Variants in INTS11 observed in about 807,000 individuals in gnomAD.
INTS11 encodes the protein CPSF3-like protein.
A neutral mutation model predicts 78.6 loss-of-function variants in INTS11; 77 were observed. The observed-to-expected ratio is 0.98, with a 90% CI of 0.81 to 1.18. The LOEUF is 1.18. Ranked by LOEUF, INTS11 falls within the 50% of genes most tolerant of loss-of-function variation. The probability of loss-of-function intolerance (pLI) is 0.00; values close to 1 mark genes in which losing one functional copy is unlikely to be tolerated. For missense variants in INTS11, 875 were observed against 825.9 expected, an observed-to-expected ratio of 1.06 and a Z score of -0.73; for synonymous variants, 441 against 326.9, an observed-to-expected ratio of 1.35 and a Z score of -3.77.
chr1:1,320,787 G>C, intron 2 of INTS11: 1 of 712,618 alleles, frequency 1.4e-6, no homozygotes, highest in Non-Finnish European at 2.5e-6. Context: ...ACAGGACCCC[G>C]GGGCTGGGGC....
Position 1,312,434 on chromosome 1 carries a change from A to T in INTS11, c.1464+6T>A. The T allele has an allele frequency of 6.4e-7, 1 of 1,566,752 alleles. No homozygotes were observed. Among genetic ancestry groups the T allele is most frequent in the Admixed American group, 1.9e-5 (1 of 53,198 alleles). The stretch of plus-strand genomic sequence containing the variant: ...TCCCCCCTCCAGAGACCGTCCTGGC[A>T]CTCACGCTGTCCTTCATGATCAGGG... On this transcript the variant is annotated splice_donor_region_variant and intron_variant, in intron 14 of 16. Coordinates refer to ENST00000435064, the MANE Select transcript of INTS11 (RefSeq NM_017871.6).
In INTS11 at chr1:1,313,491, A is replaced by G. The variant is rs1642371565; in HGVS notation, c.1041+18T>C. Reference sequence around the variant, plus strand: ...CGGCCTCCAGCTTCCAGATTCCCACACCTCACCATGCCCTCACCATGTTCT... The same window carrying G: ...CGGCCTCCAGCTTCCAGATTCCCACGCCTCACCATGCCCTCACCATGTTCT... On this transcript the variant is annotated intron_variant, in intron 10 of 16. Coordinates refer to ENST00000435064, the MANE Select transcript of INTS11 (RefSeq NM_017871.6). 6.2e-7 allele frequency: 1 copy of G among 1,612,648 alleles called. No individual in the cohort carries two copies. The highest frequency in any genetic ancestry group is 8.5e-7 in the Non-Finnish European group (1 of 1,179,794).
intron 4 of INTS11, chr1:1,316,569 A>G (rs1642622095): frequency 1.4e-5 from 2 of 143,210 alleles, no homozygotes; most frequent in Admixed American, 1.4e-4. Context: ...CTGGGCAACA[A>G]GAGCGAGAGT....
chr1:1,320,521 G>A lies in INTS11; in HGVS notation c.135C>T (p.Phe45=). The change falls in exon 3 of 17, where the codon TTC becomes TTT. Residue 45 remains phenylalanine, a synonymous_variant. Transcript: ENST00000435064. ...TCTGGGTGATGTAGGAGAAGTCAGGGAAGCGTCGCTAGGAAGGATGTGGGG... is the reference window on the plus strand; with the variant it reads ...TCTGGGTGATGTAGGAGAAGTCAGGAAAGCGTCGCTAGGAAGGATGTGGGG... The part of the protein sequence containing the change: ...MHMGFNDDRR[F]PDFSYITQNG... 1.2e-6 allele frequency: 2 copies of A among 1,613,928 alleles called. No individual in the cohort carries two copies. The highest frequency in any genetic ancestry group is 1.7e-6 in the Non-Finnish European group (2 of 1,179,942).
intron 6 of INTS11, 93 bp downstream of exon 6, chr1:1,315,311 G>A: frequency 6.8e-7 from 1 of 1,477,700 alleles, no homozygotes; most frequent in Non-Finnish European, 9.4e-7. Context: ...GACACTGCCA[G>A]GCTGGCCACT....
intron 1 of INTS11, among the ~76,000 whole-genome samples, chr1:1,321,445 A>G (rs1642941839): frequency 6.6e-6 from 1 of 152,246 alleles, no homozygotes; most frequent in East Asian, 1.9e-4. Flanking sequence ...CACCTCGGTC[A>G]GAGTCACTCC....
chr1:1,317,308 C>T (rs1188484298), intron 4 of INTS11: 5 of 171,234 alleles, frequency 2.9e-5, no homozygotes, highest in Non-Finnish European at 4.6e-5. Flanking sequence ...GCAGGAGAAT[C>T]GCTTGAACCC....
Position 1,312,213 on chromosome 1 carries a change from G to GGGGGGGGGGGCCCCCCCCCCCC in INTS11, c.1607+12_1607+13insGGGGGGGGGGGGCCCCCCCCCC. ...CCCAAGGGAGTGGGGGGGGGGCGGG[G>GGGGGGGGGGGCCCCCCCCCCCC]CCGGGCGCCCACCTCTTGAGGTGGC... is the stretch of plus-strand genomic sequence containing the variant. On this transcript the variant is annotated intron_variant, in intron 15 of 16. Transcript: ENST00000435064. 1.1e-6 allele frequency: 1 copy of GGGGGGGGGGGCCCCCCCCCCCC among 934,574 alleles called. No homozygotes were observed. Among genetic ancestry groups the GGGGGGGGGGGCCCCCCCCCCCC allele is most frequent in the Non-Finnish European group, 1.6e-6 (1 of 636,632 alleles). 57.9% of individuals were successfully genotyped at this position (934,574 alleles called of 1,614,324 possible). A position where few individuals can be genotyped will look rare whatever the true frequency, so the allele number is the denominator to read the frequency against.
intron 2 of INTS11, 103 bp from the exon 3 acceptor site, chr1:1,320,632 G>T (rs1294446185): frequency 4.4e-6 from 5 of 1,134,414 alleles, no homozygotes; most frequent in Non-Finnish European, 6.7e-6. Flanking sequence ...GGTTCTATGT[G>T]CAGACTCAGG....
At chr1:1,322,886 T>C (rs1430655689) in intron 1 of INTS11, 2 of 1,227,260 alleles carry the variant, frequency 1.6e-6, no homozygotes, top group Admixed American at 3.8e-5. Flanking sequence ...TCGGCTTTGA[T>C]GATACCTTGG....
intron 2 of INTS11, 183 bp downstream of exon 2, chr1:1,320,813 G>A (rs1642901617): frequency 8.2e-6 from 6 of 735,206 alleles, no homozygotes; most frequent in Non-Finnish European, 1.5e-5. Context: ...GCCAGCACAG[G>A]GGGACCCCAC....
intron 2 of INTS11, 158 bp downstream of exon 2, chr1:1,320,838 C>A (rs1430100082): frequency 1.3e-6 from 1 of 786,824 alleles, no homozygotes; most frequent in Non-Finnish European, 2.2e-6. Context: ...CAGGGGCTCA[C>A]CTCGGCCAGG....
chr1:1,317,992 C>G (rs766782155), intron 4 of INTS11: 2 of 152,052 alleles, frequency 1.3e-5, no homozygotes, highest in African/African-American at 2.4e-5. Flanking sequence ...TTCAGCCTCC[C>G]GAGTAGCTGG....
Position 1,324,653 on chromosome 1 carries a change from T to C in INTS11, c.-45A>G, listed in dbSNP as rs754214854. 3 of 1,591,246 alleles carry C rather than the reference T, an allele frequency of 1.9e-6. No homozygotes were observed. The highest frequency in any genetic ancestry group is 1.7e-6 in the Non-Finnish European group (2 of 1,170,282). ...GACCCGCGAGGCCCGCCTGCGGTGATGCACTGCGCAGGCGCAACCACCTCG... is the reference window on the plus strand; with the variant it reads ...GACCCGCGAGGCCCGCCTGCGGTGACGCACTGCGCAGGCGCAACCACCTCG... On this transcript the variant is annotated 5_prime_UTR_variant, in exon 1 of 17. Coordinates refer to ENST00000435064, the MANE Select transcript of INTS11 (RefSeq NM_017871.6).
At chr1:1,319,124 G>T (rs769431840) in intron 4 of INTS11, 172 bp downstream of exon 4, 280 of 787,862 alleles carry the variant, frequency 3.6e-4, no homozygotes, top group Non-Finnish European at 3.3e-4. Context: ...TCTGGGACCC[G>T]CATCCTCGCG....
intron 3 of INTS11, chr1:1,320,215 T>G (rs559871795): frequency 3.8e-6 from 2 of 519,612 alleles, no homozygotes; most frequent in African/African-American, 3.9e-5. Flanking sequence ...TCAGAGAGGG[T>G]GAAGCCTGGA....
chr1:1,314,412 A>C lies in INTS11; in HGVS notation c.703-47T>G. On this transcript the variant is annotated intron_variant, in intron 7 of 16. Coordinates refer to ENST00000435064, the MANE Select transcript of INTS11 (RefSeq NM_017871.6). The surrounding 1 kb of genome is among the most constrained non-coding windows in gnomAD (Gnocchi z 4.2). ...AGCCCTGGGCACATGGCCCCTCGAC[A>C]CAGCAGGCAGCGTCCAGTGAGGGCA... is the stretch of plus-strand genomic sequence containing the variant. 1 of 1,544,878 alleles carries C rather than the reference A, an allele frequency of 6.5e-7. No homozygotes were observed. The highest frequency in any genetic ancestry group is 8.8e-7 in the Non-Finnish European group (1 of 1,134,320).
intron 1 of INTS11, chr1:1,321,800 C>G: frequency 2.5e-6 from 2 of 800,414 alleles, no homozygotes; most frequent in African/African-American, 1.8e-5. Flanking sequence ...ACTCAGCCCC[C>G]TCATGTGGCC....
At chr1:1,315,686 G>A in intron 4 of INTS11, 68 bp from the exon 5 acceptor site, 3 of 752,562 alleles carry the variant, frequency 4.0e-6, no homozygotes, top group Admixed American at 4.8e-5. Flanking sequence ...AGGGAGGCGG[G>A]GGACGGGAAG....
Sources: allele counts gnomAD v4.1 joint callset (sites outside exome capture counted in the v4.1 genomes callset), GRCh38; gene constraint gnomAD v4.1.1; non-coding constraint Gnocchi (gnomAD v3.1); transcripts MANE v1.5; gene names NCBI Gene and HGNC (gene_info 2026-07-23, HGNC 2026-07-21).